Variants in LAMA1 observed in about 807,000 individuals in gnomAD.
LAMA1 encodes laminin subunit alpha 1.
Under a neutral mutation model 348.7 loss-of-function variants are expected in LAMA1, and 219 were observed. The observed-to-expected ratio is 0.63, with a 90% CI of 0.56 to 0.70. LAMA1 has a LOEUF of 0.70. Ranked by LOEUF, LAMA1 falls within the 30% of genes least tolerant of loss-of-function variation. The pLI is 0.00. For missense variants in LAMA1, 3,744 were observed against 3,888.0 expected (o/e 0.96, Z 0.99); for synonymous variants, 1,487 against 1,491.0 (o/e 1.00, Z 0.06).
At chr18:6,945,477 C>T (rs1358071976) in intron 61 of LAMA1, among the ~76,000 whole-genome samples, 1 of 152,154 alleles carries the variant, frequency 6.6e-6, no homozygotes, top group Non-Finnish European at 1.5e-5. Flanking sequence ...CCTGGGGAAT[C>T]TAGAACATGG....
In LAMA1 at chr18:6,999,485, C is replaced by A. The variant is rs201565963; in HGVS notation, c.4623G>T (p.Glu1541Asp). 7 of 1,614,198 alleles carry A rather than the reference C, an allele frequency of 4.3e-6. No individual in the cohort carries two copies. In the East Asian group the frequency reaches 6.7e-5, roughly 15 times the overall value. Reference protein sequence around the residue: ...RLGASGLRCDECEPRHILMET... With the variant: ...RLGASGLRCDDCEPRHILMET... ...CCATCAGAATGTGCCTCGGTTCACA[C>A]TCATCGCACCGGAGCCCCGAGGCCC... The change falls in exon 32 of 63, where the codon GAG (glutamate) becomes GAT (aspartate). Residue 1541 changes from glutamate to aspartate, a missense_variant. By Grantham distance (45) the Glu-to-Asp change is conservative. This residue lies in a region of LAMA1 where 1,983 missense variants were observed against 1,934.3 expected (regional missense o/e 1.03). Transcript: ENST00000389658.
At position 6,979,143 on chromosome 18, in the gene LAMA1, G is replaced by A. The variant is rs114753319; in HGVS notation, c.6008-765C>T. Among the ~76,000 whole-genome samples the A allele has an allele frequency of 1.6e-3, 239 of 151,804 alleles. 1 individual carries two copies. Among genetic ancestry groups the A allele is most frequent in the African/African-American group, 5.5e-3 (228 of 41,384 alleles). On this transcript the variant is annotated intron_variant, in intron 42 of 62. Coordinates refer to ENST00000389658, the MANE Select transcript of LAMA1 (RefSeq NM_005559.4). ...CTCGAAATTATTTTCAAATAAAAACGTTATTAAGCATTTAGTCAAAATATA... is the reference window on the plus strand; with the variant it reads ...CTCGAAATTATTTTCAAATAAAAACATTATTAAGCATTTAGTCAAAATATA...
At chr18:7,088,454 C>T (rs899534471) in intron 1 of LAMA1, among the ~76,000 whole-genome samples, 3 of 152,094 alleles carry the variant, frequency 2.0e-5, no homozygotes, top group African/African-American at 7.2e-5. Context: ...ATGGGTAACA[C>T]TGAATTTCAA....
In LAMA1 at chr18:6,982,593, G is replaced by A; in HGVS notation, c.5797-3C>T. Reference sequence around the variant, plus strand: ...TTAGAAACAAGGGATTCTGAGAGCTGGAAAACAGAACCACTTAAGCGTGGT... The same window carrying A: ...TTAGAAACAAGGGATTCTGAGAGCTAGAAAACAGAACCACTTAAGCGTGGT... On this transcript the variant is annotated splice_region_variant and splice_polypyrimidine_tract_variant and intron_variant, in intron 40 of 62. Coordinates refer to ENST00000389658, the MANE Select transcript of LAMA1 (RefSeq NM_005559.4). The A allele has an allele frequency of 1.2e-6, 2 of 1,613,782 alleles. No homozygotes were observed. Among genetic ancestry groups the A allele is most frequent in the Non-Finnish European group, 8.5e-7 (1 of 1,179,688 alleles).
rs543649004 is a variant in LAMA1, at chr18:7,093,209, T to G, written c.62-12752A>C. Among the ~76,000 whole-genome samples the G allele has an allele frequency of 3.0e-4, 45 of 152,102 alleles. 1 individual carries two copies. Among genetic ancestry groups the G allele is most frequent in the East Asian group, 5.8e-4 (3 of 5,150 alleles). Reference sequence around the variant, plus strand: ...AGGCGGGCGGATCACGAGGTCAGGATATCAAGACCATCCTGGCTAACACGG... The same window carrying G: ...AGGCGGGCGGATCACGAGGTCAGGAGATCAAGACCATCCTGGCTAACACGG... On this transcript the variant is annotated intron_variant, in intron 1 of 62. Coordinates refer to ENST00000389658, the MANE Select transcript of LAMA1 (RefSeq NM_005559.4).
intron 16 of LAMA1, among the ~76,000 whole-genome samples, chr18:7,029,180 T>C (rs1283188192): frequency 6.6e-6 from 1 of 152,162 alleles, no homozygotes; most frequent in Non-Finnish European, 1.5e-5. Context: ...TATTAATAAG[T>C]GCACCTGGGT....
chr18:7,069,906 T>G (rs191133749), intron 3 of LAMA1, among the ~76,000 whole-genome samples: 2 of 152,126 alleles, frequency 1.3e-5, no homozygotes, highest in African/African-American at 4.8e-5. Context: ...TCCTAAATCC[T>G]GACCCCACTG....
intron 47 of LAMA1, chr18:6,972,201 A>G (rs2144029772): frequency 1.9e-6 from 1 of 524,518 alleles, no homozygotes; most frequent in African/African-American, 1.9e-5. Context: ...CTTAAAGATC[A>G]TCTCAGTGAC....
chr18:6,957,785 C>CT (rs58835769), intron 55 of LAMA1, among the ~76,000 whole-genome samples: 14 of 150,862 alleles, frequency 9.3e-5, no homozygotes, highest in African/African-American at 2.7e-4. Context: ...GCTTCCAGTT[C>CT]TTTTTTTTTC....
intron 3 of LAMA1, among the ~76,000 whole-genome samples, chr18:7,075,949 A>T (rs1238760010): frequency 6.6e-6 from 1 of 152,014 alleles, no homozygotes; most frequent in Non-Finnish European, 1.5e-5. Flanking sequence ...AAAAAAAAAA[A>T]AGTACTGATC....
intron 34 of LAMA1, 37 bp downstream of exon 34, chr18:6,995,320 C>G (rs1467385338): frequency 1.4e-6 from 2 of 1,418,490 alleles, no homozygotes; most frequent in African/African-American, 2.8e-5. Context: ...ATGGGAGGGA[C>G]CAGGAGGAAG....
Position 7,033,109 on chromosome 18 carries a change from G to C in LAMA1, c.2052-14C>G, listed in dbSNP as rs200234436. ...ACGGACTCCAACCTACAAATAGACA[G>C]ATTGTTATGTGACTCACACGCTCGC... On this transcript the variant is annotated splice_polypyrimidine_tract_variant and intron_variant, in intron 14 of 62. Transcript: ENST00000389658. 7.1e-6 allele frequency: 11 copies of C among 1,554,066 alleles called. No homozygotes were observed. The East Asian group carries it at 2.0e-4, about 29-fold the overall frequency.
chr18:7,018,343 A>AAAT (rs2144130035), intron 19 of LAMA1, among the ~76,000 whole-genome samples: 1 of 150,634 alleles, frequency 6.6e-6, no homozygotes, highest in Non-Finnish European at 1.5e-5. Flanking sequence ...TCTCAAAAAA[A>AAAT]AAAAAAAAAA....
chr18:6,957,483 G>A (rs1250387691), intron 55 of LAMA1: 4 of 152,746 alleles, frequency 2.6e-5, no homozygotes, highest in Non-Finnish European at 5.8e-5. Flanking sequence ...GCAAATTTCA[G>A]GGACTCCTAA....
intron 1 of LAMA1, among the ~76,000 whole-genome samples, chr18:7,099,330 C>T (rs1340148465): frequency 1.5e-4 from 22 of 151,346 alleles, no homozygotes; most frequent in African/African-American, 5.1e-4. Context: ...ACAAACACTG[C>T]GGAAGGCCGC....
At chr18:6,979,731 C>T (rs1197641049) in intron 42 of LAMA1, among the ~76,000 whole-genome samples, 12 of 152,084 alleles carry the variant, frequency 7.9e-5, no homozygotes, top group Admixed American at 6.5e-4. Flanking sequence ...AACCCCATCT[C>T]TACTAAAAAT....
intron 39 of LAMA1, 36 bp from the exon 40 acceptor site, chr18:6,983,270 A>G: frequency 6.2e-7 from 1 of 1,612,652 alleles, no homozygotes; most frequent in Non-Finnish European, 8.5e-7. Context: ...GTTATGATAA[A>G]CTAAATCAAA....
chr18:6,975,062 T>C lies in LAMA1; in HGVS notation c.6490-26A>G, dbSNP rs560537040. ...CTGGGGGGCGAGGAATGAACGGGGA[T>C]CAGTTTACACACTGGACTGTTTGCT... On this transcript the variant is annotated intron_variant, in intron 45 of 62. Transcript: ENST00000389658. 1.9e-6 allele frequency: 3 copies of C among 1,610,932 alleles called. No homozygotes were observed. The Admixed American group carries it at 5.0e-5, about 27-fold the overall frequency.
At chr18:6,979,978 T>G (rs550241256) in intron 42 of LAMA1, among the ~76,000 whole-genome samples, 23 of 152,264 alleles carry the variant, frequency 1.5e-4, no homozygotes, top group African/African-American at 5.5e-4. Context: ...GTAGACTTAT[T>G]GCGGCCTGGC....
Sources: allele counts gnomAD v4.1 joint callset (sites outside exome capture counted in the v4.1 genomes callset), GRCh38; gene constraint gnomAD v4.1.1; regional missense constraint gnomAD v4.1.1; transcripts MANE v1.5; gene names NCBI Gene and HGNC (gene_info 2026-07-23, HGNC 2026-07-21).